The following SQSTM1 variants were observed in gnomAD, a reference collection of about 807,000 sequenced individuals.
SQSTM1 encodes sequestosome-1.
In SQSTM1, 36 loss-of-function variants were observed where a neutral mutation model predicts 45.1. The observed-to-expected ratio is 0.80, with a 90% CI of 0.61 to 1.05. SQSTM1 has a LOEUF of 1.05. Among genes scored for constraint, SQSTM1 ranks in the 50% least tolerant of loss-of-function variants. The pLI, the probability that SQSTM1 is intolerant of heterozygous loss-of-function variation, is 0.00. For synonymous variants in SQSTM1, 290 were observed against 244.3 expected, an observed-to-expected ratio of 1.19 and a Z score of -1.74; for missense variants, 617 against 607.1, an observed-to-expected ratio of 1.02 and a Z score of -0.17.
rs1228761746 is a variant in SQSTM1 at position 179,837,174 on chromosome 5, G to A, written c.*581G>A. 4 of 1,499,770 alleles carry A rather than the reference G, an allele frequency of 2.7e-6. No individual in the cohort carries two copies. In the East Asian group the frequency reaches 9.7e-5, roughly 37 times the overall value. The allele number at this position is 1,499,770 out of a possible 1,614,324, so 92.9% of individuals were successfully genotyped here. ...TTCTCTCATTTCCAAACCATCAGCT[G>A]CTTTTAAAATAAGATCTCTTTGTAG... On this transcript the variant is annotated 3_prime_UTR_variant, in exon 8 of 8. Transcript: ENST00000389805.
intron 2 of SQSTM1, chr5:179,811,990 G>A (rs567469940): frequency 6.6e-5 from 10 of 152,266 alleles, no homozygotes; most frequent in African/African-American, 2.4e-4. Flanking sequence ...ATTTTTAGTA[G>A]AGACGGGGTT....
intron 7 of SQSTM1, among the ~76,000 whole-genome samples, chr5:179,834,196 C>T (rs1421809887): frequency 8.5e-6 from 1 of 117,906 alleles, no homozygotes; most frequent in Non-Finnish European, 1.6e-5. Context: ...AGGAGCCAGG[C>T]AGAAGCCACC....
chr5:179,832,051 G>C (rs1012309199), intron 5 of SQSTM1, among the ~76,000 whole-genome samples: 2 of 152,174 alleles, frequency 1.3e-5, no homozygotes, highest in Non-Finnish European at 2.9e-5. Context: ...CCAAAGTGCT[G>C]GGATTACAGG....
chr5:179,836,027 C>T (rs1242405982), intron 7 of SQSTM1: 10 of 298,998 alleles, frequency 3.3e-5, no homozygotes, highest in South Asian at 2.8e-4. Flanking sequence ...GTTCATTCTA[C>T]CTCCAAAATG....
chr5:179,817,939 T>A (rs368145666), upstream of SQSTM1, among the ~76,000 whole-genome samples: 25 of 132,236 alleles, frequency 1.9e-4, no homozygotes, highest in African/African-American at 6.6e-4. Flanking sequence ...TGCTTGAACC[T>A]GGGAGGCAGA....
chr5:179,820,406 C>T (rs1757729082), upstream of SQSTM1: 1 of 152,846 alleles, frequency 6.5e-6, no homozygotes, highest in African/African-American at 2.4e-5. Context: ...GCTGCCACCG[C>T]GGCAGGCTGA....
At chr5:179,824,430 C>T (rs1757918750) in intron 4 of SQSTM1, 107 bp downstream of exon 4, 2 of 1,505,430 alleles carry the variant, frequency 1.3e-6, no homozygotes, top group Non-Finnish European at 9.2e-7. Flanking sequence ...TCAGGATACC[C>T]CCCACCTTCC....
chr5:179,813,098 A>C (rs987195169), intron 2 of SQSTM1: 1 of 151,816 alleles, frequency 6.6e-6, no homozygotes, highest in Admixed American at 6.6e-5. Flanking sequence ...AAAGTTTGGA[A>C]GCCCTGCCCT....
intron 1 of SQSTM1, 41 bp downstream of exon 1, chr5:179,821,182 G>C: frequency 2.3e-6 from 3 of 1,321,666 alleles, no homozygotes; most frequent in Non-Finnish European, 2.9e-6. Context: ...GACGCAGGCC[G>C]GACACGGCCT....
upstream of SQSTM1, chr5:179,820,794 C>T (rs1757742058): frequency 1.3e-6 from 1 of 776,734 alleles, no homozygotes; most frequent in Non-Finnish European, 1.9e-6. Context: ...GCGGCTCTCG[C>T]GCCGCGACGA....
upstream of SQSTM1, among the ~76,000 whole-genome samples, chr5:179,814,030 G>C (rs532234771): frequency 1.3e-5 from 2 of 152,176 alleles, no homozygotes; most frequent in African/African-American, 4.8e-5. Context: ...GGGTGGTGGC[G>C]TGAGCCTGTA....
At chr5:179,825,415 C>A (rs1369304014) in intron 5 of SQSTM1, among the ~76,000 whole-genome samples, 189 bp downstream of exon 5, 2 of 152,320 alleles carry the variant, frequency 1.3e-5, no homozygotes, top group South Asian at 2.1e-4. Context: ...ACAAAATTCT[C>A]GAGCTTTCTA....
intron 2 of SQSTM1, chr5:179,811,954 G>C (rs62406229): frequency 6.6e-6 from 1 of 151,864 alleles, no homozygotes; most frequent in African/African-American, 2.4e-5. Flanking sequence ...ACAGGCGCCC[G>C]CCACCACGCC....
At chr5:179,815,595 T>A (rs1175709850), upstream of SQSTM1, among the ~76,000 whole-genome samples, 1 of 152,116 alleles carries the variant, frequency 6.6e-6, no homozygotes, top group South Asian at 2.1e-4. Flanking sequence ...CTGCTCAGGA[T>A]TCCCCCCTCC....
intron 7 of SQSTM1, among the ~76,000 whole-genome samples, chr5:179,834,236 TG>T (rs575654168): frequency 4.3e-4 from 3 of 7,056 alleles, no homozygotes; most frequent in Admixed American, 3.6e-3. Context: ...CAGGCAGCAG[TG>T]GGGGGGTGGG....
chr5:179,826,598 G>GTTTTTTTTTTTTTTTTTTTTTT (rs549477595), intron 5 of SQSTM1, among the ~76,000 whole-genome samples: 1 of 142,252 alleles, frequency 7.0e-6, no homozygotes, highest in Non-Finnish European at 1.5e-5. Flanking sequence ...TCGCTAGTCT[G>GTTTTTTTTTTTTTTTTTTTTTT]TTTTTTTTTT....
chr5:179,823,843 T>C lies in SQSTM1; in HGVS notation c.302-15T>C. 1 of 1,609,622 alleles carries C rather than the reference T, an allele frequency of 6.2e-7. No homozygotes were observed. The highest frequency in any genetic ancestry group is 2.2e-5 in the East Asian group (1 of 44,878). On this transcript the variant is annotated splice_polypyrimidine_tract_variant and intron_variant, in intron 2 of 7. Coordinates refer to ENST00000389805, the MANE Select transcript of SQSTM1 (RefSeq NM_003900.5). The stretch of plus-strand genomic sequence containing the variant: ...GGGGGTCCCACCCTAGCGGCTCTCT[T>C]TACCCTTCCTGTAGAGAAAAAAGAG...
chr5:179,819,164 CA>C (rs1274989887), upstream of SQSTM1: 1 of 152,230 alleles, frequency 6.6e-6, no homozygotes, highest in Non-Finnish European at 1.5e-5. Context: ...AGGGCCCTGC[CA>C]GGGGGTTCCC....
Position 179,837,936 on chromosome 5 carries a change from C to G in SQSTM1, c.*1343C>G. The stretch of plus-strand genomic sequence containing the variant: ...CCATGTGTAAGAACAATGCCAGGGC[C>G]CAGGAGGACCGCCTGCCCTGCCTGG... On this transcript the variant is annotated 3_prime_UTR_variant, in exon 8 of 8. Coordinates refer to ENST00000389805, the MANE Select transcript of SQSTM1 (RefSeq NM_003900.5). 1 of 1,548,448 alleles carries G rather than the reference C, an allele frequency of 6.5e-7. No homozygotes were observed. The highest frequency in any genetic ancestry group is 8.7e-7 in the Non-Finnish European group (1 of 1,147,010).
Sources: allele counts gnomAD v4.1 joint callset (sites outside exome capture counted in the v4.1 genomes callset), GRCh38; gene constraint gnomAD v4.1.1; transcripts MANE v1.5; gene names NCBI Gene and HGNC (gene_info 2026-07-23, HGNC 2026-07-21).